SNAPC3: variants seen among roughly 807,000 people sequenced by gnomAD.
The protein encoded by SNAPC3 is snRNA-activating protein complex subunit 3.
A neutral mutation model predicts 47.7 loss-of-function variants in SNAPC3; 56 were observed. The ratio of observed to expected loss-of-function variants is 1.18; its 90% confidence interval spans 0.95 to 1.47. SNAPC3 has a LOEUF of 1.47. Among genes scored for constraint, SNAPC3 ranks in the 40% most tolerant of loss-of-function variants. SNAPC3 has a pLI of 0.00. For missense variants in SNAPC3, 665 were observed against 511.3 expected (o/e 1.30, Z -2.90); for synonymous variants, 235 against 189.9 (o/e 1.24, Z -1.95).
At chr9:15,433,416 T>G (rs2032411087) in intron 2 of SNAPC3, 136 bp from the exon 3 acceptor site, 4 of 663,700 alleles carry the variant, frequency 6.0e-6, no homozygotes, top group Non-Finnish European at 8.0e-6. Flanking sequence ...GAACAAGAGA[T>G]AGAAGGGAAC....
At chr9:15,440,725 G>A (rs559024418) in intron 3 of SNAPC3, among the ~76,000 whole-genome samples, 25 of 152,134 alleles carry the variant, frequency 1.6e-4, no homozygotes, top group African/African-American at 3.4e-4. Context: ...CGAGGCGGGC[G>A]GATCACGAGG....
At chr9:15,461,834 C>G (rs1287584214), downstream of SNAPC3, 2 of 152,182 alleles carry the variant, frequency 1.3e-5, no homozygotes, top group Non-Finnish European at 2.9e-5. Context: ...TTCACTGATT[C>G]AGTCAGTACA....
downstream of SNAPC3, chr9:15,464,495 G>GACTT (rs2035476003): frequency 5.0e-6 from 1 of 200,970 alleles, no homozygotes; most frequent in Non-Finnish European, 1.0e-5. Flanking sequence ...TCAATGTACA[G>GACTT]ACTTATCAAA....
intron 3 of SNAPC3, among the ~76,000 whole-genome samples, chr9:15,437,304 C>T (rs1437391644): frequency 6.6e-6 from 1 of 151,830 alleles, no homozygotes; most frequent in African/African-American, 2.4e-5. Flanking sequence ...ACAATCTTGG[C>T]TCACTGCAAC....
intron 3 of SNAPC3, among the ~76,000 whole-genome samples, chr9:15,441,291 T>C (rs1325425489): frequency 6.6e-6 from 1 of 151,656 alleles, no homozygotes; most frequent in Non-Finnish European, 1.5e-5. Flanking sequence ...GTAGTAGTTC[T>C]ACTTTTAATT....
chr9:15,448,558 T>G (rs2131900008), intron 5 of SNAPC3, among the ~76,000 whole-genome samples: 1 of 152,332 alleles, frequency 6.6e-6, no homozygotes, highest in South Asian at 2.1e-4. Flanking sequence ...AGTATGTATT[T>G]CAGTATGCTG....
rs1343595393 is a variant in SNAPC3 at position 15,460,340 on chromosome 9, G to A, written c.*474G>A. 1 of 152,278 alleles carries A rather than the reference G, an allele frequency of 6.6e-6. No homozygotes were observed. Among genetic ancestry groups the A allele is most frequent in the East Asian group, 1.9e-4 (1 of 5,198 alleles). 9.4% of individuals were successfully genotyped at this position (152,278 alleles called of 1,614,324 possible). A position where few individuals can be genotyped will look rare whatever the true frequency, so the allele number is the denominator to read the frequency against. ...TAAAGATCCTTCAAATAACTGTAAT[G>A]GAAACTAGGGAGAATGAATTATTTA... On this transcript the variant is annotated 3_prime_UTR_variant, in exon 9 of 9. Transcript: ENST00000380821.
intron 7 of SNAPC3, among the ~76,000 whole-genome samples, chr9:15,456,908 T>C (rs1402689056): frequency 6.6e-6 from 1 of 152,198 alleles, no homozygotes; most frequent in Non-Finnish European, 1.5e-5. Context: ...ATCAAAAGGT[T>C]AATTATTTTC....
chr9:15,441,338 G>A (rs1197898398), intron 3 of SNAPC3, among the ~76,000 whole-genome samples: 1 of 132,478 alleles, frequency 7.5e-6, no homozygotes, highest in African/African-American at 2.8e-5. Context: ...CGTAATAGCT[G>A]TATCAATTTG....
chr9:15,463,782 C>T (rs918061636), downstream of SNAPC3: 3 of 152,146 alleles, frequency 2.0e-5, no homozygotes, highest in African/African-American at 7.2e-5. Context: ...CCTGTACAAG[C>T]TGACATAAAT....
rs184870298 is a variant in SNAPC3 at position 15,441,225 on chromosome 9, T to G, written c.478-3377T>G. 5.9e-5 allele frequency among the ~76,000 whole-genome samples: 9 copies of G among 151,664 alleles called. No homozygotes were observed. In the East Asian group the frequency reaches 1.7e-3, roughly 29 times the overall value. On this transcript the variant is annotated intron_variant, in intron 3 of 8. Transcript: ENST00000380821. ...TTAACGTTATTATTATTTTTTTAAT[T>G]TCATTTTCTTCATTTTATTTCATTT...
rs2035082255 is a variant in SNAPC3, at chr9:15,459,978, T to TA, written c.*115dup. The TA allele has an allele frequency of 5.9e-6, 5 of 841,610 alleles. No individual in the cohort carries two copies. The highest frequency in any genetic ancestry group is 8.8e-6 in the Non-Finnish European group (5 of 570,392). The allele number at this position is 841,610 out of a possible 1,614,324, so 52.1% of individuals were successfully genotyped here. A position where few individuals can be genotyped will look rare whatever the true frequency, so the allele number is the denominator to read the frequency against. ...ACAGGATCCACTTTGAACAGTCCGC[T>TA]AAAGCTATCAAAAAAAAGTCCAAAT... On this transcript the variant is annotated 3_prime_UTR_variant, in exon 9 of 9. Coordinates refer to ENST00000380821, the MANE Select transcript of SNAPC3 (RefSeq NM_001039697.2).
chr9:15,458,236 C>G (rs892357237), intron 8 of SNAPC3, among the ~76,000 whole-genome samples, 169 bp downstream of exon 8: 1 of 151,992 alleles, frequency 6.6e-6, no homozygotes, highest in African/African-American at 2.4e-5. Flanking sequence ...AACTAACATT[C>G]TTAAATAGTC....
chr9:15,423,036 G>T lies in SNAPC3; in HGVS notation c.157G>T (p.Gly53Cys), dbSNP rs564855753. The change falls in exon 1 of 9, where the codon GGC becomes TGC. Residue 53 changes from glycine (G) to cysteine (C), a missense_variant. Gly to Cys is a radical substitution (Grantham distance 159, BLOSUM62 -3). Coordinates refer to ENST00000380821, the MANE Select transcript of SNAPC3 (RefSeq NM_001039697.2). ...HVGAFGELWRGRLRGAGDLSL... is the reference protein window; with the variant it reads ...HVGAFGELWRCRLRGAGDLSL... Reference sequence around the variant, plus strand: ...GGGCGCCTTTGGGGAGCTGTGGCGGGGCCGTCTGCGCGGGGCCGGGGACTT... The same window carrying T: ...GGGCGCCTTTGGGGAGCTGTGGCGGTGCCGTCTGCGCGGGGCCGGGGACTT... 1 of 1,523,846 alleles carries T rather than the reference G, an allele frequency of 6.6e-7. No individual in the cohort carries two copies. Among genetic ancestry groups the T allele is most frequent in the Non-Finnish European group, 8.8e-7 (1 of 1,141,922 alleles). The allele number at this position is 1,523,846 out of a possible 1,614,324, so 94.4% of individuals were successfully genotyped here. A position where few individuals can be genotyped will look rare whatever the true frequency, so the allele number is the denominator to read the frequency against.
At chr9:15,430,759 G>A (rs1330685510) in intron 2 of SNAPC3, among the ~76,000 whole-genome samples, 2 of 152,052 alleles carry the variant, frequency 1.3e-5, no homozygotes, top group Non-Finnish European at 2.9e-5. Flanking sequence ...ATACGCTATG[G>A]GAAATCCACA....
At chr9:15,458,618 G>A (rs545396629) in intron 8 of SNAPC3, among the ~76,000 whole-genome samples, 1 of 152,206 alleles carries the variant, frequency 6.6e-6, no homozygotes, top group East Asian at 1.9e-4. Flanking sequence ...TACTTTATGT[G>A]ATTCTACATG....
chr9:15,442,243 G>A (rs1587291880), intron 3 of SNAPC3, among the ~76,000 whole-genome samples: 1 of 148,398 alleles, frequency 6.7e-6, no homozygotes, highest in African/African-American at 2.5e-5. Flanking sequence ...CTGGCCGGGC[G>A]GGGGCTGCCC....
intron 4 of SNAPC3, among the ~76,000 whole-genome samples, chr9:15,445,859 C>T (rs746972161): frequency 6.6e-6 from 1 of 152,096 alleles, no homozygotes; most frequent in Non-Finnish European, 1.5e-5. Context: ...TTGCTTGAGC[C>T]CGGGAGGTCA....
At chr9:15,458,403 CCT>C (rs2034961416) in intron 8 of SNAPC3, among the ~76,000 whole-genome samples, 1 of 152,210 alleles carries the variant, frequency 6.6e-6, no homozygotes, top group African/African-American at 2.4e-5. Context: ...ACAATAACTC[CCT>C]GTTAGAGGGT....
Sources: allele counts gnomAD v4.1 joint callset (sites outside exome capture counted in the v4.1 genomes callset), GRCh38; gene constraint gnomAD v4.1.1; transcripts MANE v1.5; gene names NCBI Gene and HGNC (gene_info 2026-07-23, HGNC 2026-07-21).